The following SUDS3 variants were observed in gnomAD, a reference collection of about 807,000 sequenced individuals.
SUDS3 encodes the protein SIN3A corepressor complex component SDS3, also known as sin3 histone deacetylase corepressor complex component SDS3.
A neutral mutation model predicts 53.5 loss-of-function variants in SUDS3; 23 were observed. That is an observed-to-expected ratio of 0.43 (90% CI 0.31 to 0.61). The LOEUF is 0.61. Among genes scored for constraint, SUDS3 ranks in the 20% least tolerant of loss-of-function variants. The pLI is 0.10. For missense variants in SUDS3, 291 were observed against 405.9 expected, an observed-to-expected ratio of 0.72 and a Z score of 2.43; for synonymous variants, 150 against 148.5, an observed-to-expected ratio of 1.01 and a Z score of -0.08.
intron 10 of SUDS3, 48 bp downstream of exon 10, chr12:118,403,565 T>C: frequency 6.9e-7 from 1 of 1,448,128 alleles, no homozygotes; most frequent in Non-Finnish European, 9.6e-7. Context: ...TATGAACCAC[T>C]TGGAAAGAGG....
At chr12:118,396,728 G>A (rs2046218916) in intron 6 of SUDS3, among the ~76,000 whole-genome samples, 2 of 152,238 alleles carry the variant, frequency 1.3e-5, no homozygotes, top group South Asian at 4.1e-4. Flanking sequence ...CTAGAGAAGT[G>A]CACAGCAAAA....
At chr12:118,411,888 C>CT (rs1361462085) in intron 11 of SUDS3, among the ~76,000 whole-genome samples, 28 of 152,318 alleles carry the variant, frequency 1.8e-4, no homozygotes, top group Middle Eastern at 3.4e-3. Context: ...TTCTCTAGAA[C>CT]TTTCACACAT....
chr12:118,380,294 A>G (rs535733156), intron 2 of SUDS3, 63 bp downstream of exon 2: 1 of 1,407,964 alleles, frequency 7.1e-7, no homozygotes. Context: ...ATATAGATTG[A>G]GCATCCCAAA....
At chr12:118,412,496 G>C (rs1376184657) in intron 11 of SUDS3, among the ~76,000 whole-genome samples, 2 of 152,154 alleles carry the variant, frequency 1.3e-5, no homozygotes, top group Non-Finnish European at 2.9e-5. Flanking sequence ...CTAGATAAAT[G>C]AATGCCATTC....
At chr12:118,414,282 T>G in intron 11 of SUDS3, 53 bp from the exon 12 acceptor site, 1 of 1,329,022 alleles carries the variant, frequency 7.5e-7, no homozygotes, top group Non-Finnish European at 1.0e-6. Flanking sequence ...GTGTAGGAGA[T>G]TTGCTCTTCT....
rs890257512 is a variant in SUDS3 at position 118,417,427 on chromosome 12, CT to C, written c.*2995del. Reference sequence around the variant, plus strand: ...ACAGTTTTTTGGGTTTGGCTTCCTTCTCACATTTCTTTAGCTTTGAATTTTT... The same window carrying C: ...ACAGTTTTTTGGGTTTGGCTTCCTTCCACATTTCTTTAGCTTTGAATTTTT... On this transcript the variant is annotated 3_prime_UTR_variant, in exon 12 of 12. Coordinates refer to ENST00000543473, the MANE Select transcript of SUDS3 (RefSeq NM_022491.3). The C allele has an allele frequency of 9.9e-5, 15 of 152,024 alleles. No homozygotes were observed. The highest frequency in any genetic ancestry group is 3.4e-4 in the African/African-American group (14 of 41,482). 9.4% of individuals were successfully genotyped at this position (152,024 alleles called of 1,614,324 possible). A position where few individuals can be genotyped will look rare whatever the true frequency, so the allele number is the denominator to read the frequency against.
chr12:118,405,052 A>G (rs2046297802), intron 10 of SUDS3, among the ~76,000 whole-genome samples: 1 of 152,226 alleles, frequency 6.6e-6, no homozygotes, highest in Non-Finnish European at 1.5e-5. Flanking sequence ...GGCATTCTTC[A>G]GAAAGGTCGG....
chr12:118,405,963 T>G (rs1364737667), intron 10 of SUDS3, among the ~76,000 whole-genome samples: 2 of 152,204 alleles, frequency 1.3e-5, no homozygotes, highest in African/African-American at 4.8e-5. Context: ...TTAAATGACT[T>G]CAGCAAAACA....
In SUDS3 at chr12:118,417,283, A is replaced by G. The variant is rs1368633584; in HGVS notation, c.*2850A>G. 3 of 152,176 alleles carry G rather than the reference A, an allele frequency of 2.0e-5. No homozygotes were observed. Among genetic ancestry groups the G allele is most frequent in the African/African-American group, 7.2e-5 (3 of 41,438 alleles). The allele number at this position is 152,176 out of a possible 1,614,324, so 9.4% of individuals were successfully genotyped here. ...GAGGCTGATCTGCAAATCAAGCTAC[A>G]TGTATTTGTGTATAAGACCCTGTGT... On this transcript the variant is annotated 3_prime_UTR_variant, in exon 12 of 12. Coordinates refer to ENST00000543473, the MANE Select transcript of SUDS3 (RefSeq NM_022491.3).
chr12:118,407,440 C>T (rs997185029), intron 10 of SUDS3, among the ~76,000 whole-genome samples: 3 of 152,166 alleles, frequency 2.0e-5, no homozygotes, highest in African/African-American at 4.8e-5. Context: ...CACCACCATT[C>T]AGTGATTCCA....
intron 10 of SUDS3, among the ~76,000 whole-genome samples, chr12:118,404,697 C>G (rs1343645134): frequency 2.6e-5 from 4 of 152,082 alleles, no homozygotes; most frequent in Admixed American, 6.6e-5. Context: ...CTTTGCCTTT[C>G]TGTTTGGTTA....
intron 9 of SUDS3, chr12:118,402,763 C>CT (rs112374694): frequency 0.063 from 8,949 of 142,050 alleles, 495 homozygotes; most frequent in East Asian, 0.25. Context: ...TAAGTGATTC[C>CT]TTTTTTTTTT....
chr12:118,401,648 A>G, intron 7 of SUDS3, 111 bp from the exon 8 acceptor site: 1 of 918,912 alleles, frequency 1.1e-6, no homozygotes, highest in South Asian at 1.5e-5. Context: ...CTGTAGAAAC[A>G]TCATTTAACA....
At chr12:118,401,025 A>G (rs1451453419) in intron 7 of SUDS3, among the ~76,000 whole-genome samples, 1 of 152,180 alleles carries the variant, frequency 6.6e-6, no homozygotes. Flanking sequence ...TTTTAATGCT[A>G]ACATCAAGAT....
chr12:118,403,988 C>T lies in SUDS3; in HGVS notation c.803+471C>T, dbSNP rs1404445616. ...GGGTCCTGCGATATGCTAATGTACACTGTGAATTTCTAAGATGTTATTAGA... is the reference window on the plus strand; with the variant it reads ...GGGTCCTGCGATATGCTAATGTACATTGTGAATTTCTAAGATGTTATTAGA... On this transcript the variant is annotated intron_variant, in intron 10 of 11. Coordinates refer to ENST00000543473, the MANE Select transcript of SUDS3 (RefSeq NM_022491.3). The T allele has an allele frequency of 3.9e-5, 6 of 155,538 alleles. No homozygotes were observed. In the East Asian group the frequency reaches 1.1e-3, roughly 29 times the overall value. 9.6% of individuals were successfully genotyped at this position (155,538 alleles called of 1,614,324 possible).
At chr12:118,382,162 C>T (rs1382386763) in intron 2 of SUDS3, among the ~76,000 whole-genome samples, 2 of 152,012 alleles carry the variant, frequency 1.3e-5, no homozygotes, top group African/African-American at 2.4e-5. Flanking sequence ...GGCTAAGCCT[C>T]CTGAGTAGCT....
At chr12:118,378,347 C>T (rs978040432) in intron 1 of SUDS3, among the ~76,000 whole-genome samples, 6 of 152,044 alleles carry the variant, frequency 3.9e-5, no homozygotes, top group East Asian at 1.9e-4. Flanking sequence ...TTCAACCAAG[C>T]GCAGCTCAAA....
intron 7 of SUDS3, among the ~76,000 whole-genome samples, chr12:118,401,352 A>G (rs2046261077): frequency 1.3e-5 from 2 of 152,202 alleles, no homozygotes; most frequent in South Asian, 4.1e-4. Flanking sequence ...AAAGGGCATA[A>G]CTTCAGGTTG....
intron 11 of SUDS3, among the ~76,000 whole-genome samples, chr12:118,412,114 G>A (rs1402945546): frequency 2.0e-5 from 3 of 152,200 alleles, no homozygotes; most frequent in African/African-American, 4.8e-5. Flanking sequence ...CCTTTAGGAT[G>A]GATGGGGTCT....
Sources: gnomAD v4.1 joint callset for allele counts (sites outside exome capture counted in the v4.1 genomes callset) on GRCh38, gnomAD v4.1.1 for gene constraint, MANE v1.5 for transcripts, NCBI Gene and HGNC (gene_info 2026-07-23, HGNC 2026-07-21) for gene names.